Variants in CCDC40 observed in about 807,000 individuals in gnomAD.
The protein encoded by CCDC40 is coiled-coil domain-containing protein 40.
Under a neutral mutation model 124.5 loss-of-function variants are expected in CCDC40, and 104 were observed. The ratio of observed to expected loss-of-function variants is 0.84; its 90% CI spans 0.71 to 0.98. The LOEUF (loss-of-function observed/expected upper bound fraction) is 0.98, where lower values mean the gene tolerates loss of function less well. Among genes scored for constraint, CCDC40 ranks in the 50% least tolerant of loss-of-function variants. CCDC40 has a pLI of 0.00. For synonymous variants in CCDC40, 580 were observed against 602.9 expected (o/e 0.96, Z 0.56); for missense variants, 1,463 against 1,503.9 (o/e 0.97, Z 0.45).
At chr17:80,071,562 G>T (rs8079986) in intron 10 of CCDC40, among the ~76,000 whole-genome samples, 13,567 of 152,208 alleles carry the variant, frequency 0.089, 1,543 homozygotes, top group African/African-American at 0.27. Flanking sequence ...AGTCCCCGAC[G>T]TCACGATTTT....
intron 17 of CCDC40, chr17:80,090,318 GGGACGCGCGCAGGCAC>G: frequency 8.0e-6 from 5 of 623,304 alleles, no homozygotes; most frequent in South Asian, 5.3e-5. Context: ...CGAACAACAC[GGGACGCGCGCAGGCAC>G]GTGCACGAAC....
intron 10 of CCDC40, chr17:80,065,975 G>A (rs2038035876): frequency 1.6e-6 from 1 of 640,794 alleles, no homozygotes; most frequent in African/African-American, 1.8e-5. Flanking sequence ...TTCTGCCTGA[G>A]GGCTGCATTC....
At chr17:80,068,680 G>T (rs999521406) in intron 10 of CCDC40, among the ~76,000 whole-genome samples, 2 of 151,932 alleles carry the variant, frequency 1.3e-5, no homozygotes, top group African/African-American at 4.8e-5. Context: ...ATCCCCATGG[G>T]GCAGGACCCC....
chr17:80,090,760 A>G (rs1272625887), intron 17 of CCDC40: 7 of 1,368,432 alleles, frequency 5.1e-6, no homozygotes, highest in Non-Finnish European at 6.6e-6. Context: ...TCAGGGCCTT[A>G]AGGATAACAG....
intron 1 of CCDC40, among the ~76,000 whole-genome samples, chr17:80,037,682 T>TAAAAAAAA (rs1423212184): frequency 2.2e-4 from 21 of 96,168 alleles, no homozygotes; most frequent in Non-Finnish European, 2.5e-4. Context: ...CTTTAATTTT[T>TAAAAAAAA]TAAAAAAGAT....
At position 80,082,052 on chromosome 17, in the gene CCDC40, C is replaced by T; in HGVS notation, c.1983C>T (p.Thr661=). The part of the protein sequence containing the change: ...QLILRLQKEK[T]NMMTHLSKIN... ...TCCTGAGGCTGCAGAAGGAGAAGAC[C>T]AACATGGTAGGCCCCTGCCCCAGGG... The change falls in exon 12 of 20, where the codon ACC becomes ACT. Residue 661 remains threonine (T), a synonymous_variant. Coordinates refer to ENST00000397545, the MANE Select transcript of CCDC40 (RefSeq NM_017950.4). 1.2e-6 allele frequency: 2 copies of T among 1,612,872 alleles called. No homozygotes were observed. Among genetic ancestry groups the T allele is most frequent in the Non-Finnish European group, 1.7e-6 (2 of 1,179,752 alleles).
rs1383150806 is a variant in CCDC40 at position 80,086,625 on chromosome 17, G to C, written c.2449+409G>C. On this transcript the variant is annotated intron_variant, in intron 14 of 19. Transcript: ENST00000397545. The surrounding 1 kb of genome is among the most constrained non-coding windows in gnomAD (Gnocchi z 5.5). Reference sequence around the variant, plus strand: ...GGGCTTAGAAAACCATTCCACCGGGGCTCCCCAACCCTTCTGAGGCCCAAG... The same window carrying C: ...GGGCTTAGAAAACCATTCCACCGGGCCTCCCCAACCCTTCTGAGGCCCAAG... 3.7e-6 allele frequency: 1 copy of C among 273,952 alleles called. No homozygotes were observed. The highest frequency in any genetic ancestry group is 3.6e-5 in the South Asian group (1 of 27,414). 17.0% of individuals were successfully genotyped at this position (273,952 alleles called of 1,614,324 possible).
chr17:80,056,096 C>A (rs1464533044), intron 7 of CCDC40, among the ~76,000 whole-genome samples: 3 of 143,908 alleles, frequency 2.1e-5, no homozygotes, highest in African/African-American at 7.8e-5. Flanking sequence ...AAGTGATCCT[C>A]TTGCTTCGGC....
At chr17:80,067,917 T>G (rs1307792251) in intron 10 of CCDC40, 2 of 1,313,820 alleles carry the variant, frequency 1.5e-6, no homozygotes, top group Non-Finnish European at 1.9e-6. Context: ...TGAGTGAATA[T>G]TTTAGTGGAC....
chr17:80,065,502 C>T lies in CCDC40; in HGVS notation c.1458C>T (p.Asp486=), dbSNP rs752463994. The part of the protein sequence containing the change: ...KAVSEACTEI[D]AISVEKRRIM... ...GGCTGCAGGCCTGCACCGAGATCGA[C>T]GCCATCAGCGTGGAGAAGAGGCGCA... Residue 486 remains aspartate (D), a synonymous_variant, in exon 10 of 20, where the codon GAC becomes GAT. Coordinates refer to ENST00000397545, the MANE Select transcript of CCDC40 (RefSeq NM_017950.4). 19 of 1,613,006 alleles carry T rather than the reference C, an allele frequency of 1.2e-5. No individual in the cohort carries two copies. Among genetic ancestry groups the T allele is most frequent in the African/African-American group, 4.0e-5 (3 of 74,904 alleles).
rs2038346930 is a variant in CCDC40 at position 80,077,911 on chromosome 17, T to C, written c.1563-3635T>C. Among the ~76,000 whole-genome samples the C allele has an allele frequency of 3.3e-5, 5 of 152,234 alleles. No homozygotes were observed. The South Asian group carries it at 1.0e-3, about 31-fold the overall frequency. ...TTGAAAATATTTTTGTCCCAGTCTG[T>C]GGCTTTGTCTTTTTTACCTCTTTAC... On this transcript the variant is annotated intron_variant, in intron 10 of 19. Transcript: ENST00000397545.
In CCDC40 at chr17:80,099,575, G is replaced by A. The variant is rs201877332; in HGVS notation, c.3229G>A (p.Ala1077Thr). ...ALQTRLKHLQAVKEGRYVFLF... is the reference protein window; with the variant it reads ...ALQTRLKHLQTVKEGRYVFLF... The stretch of plus-strand genomic sequence containing the variant: ...GCAGACACGCCTTAAGCACCTGCAG[G>A]CTGTGAAGGAGGGGCGCTACGTGTT... Residue 1077 changes from alanine (A) to threonine (T), a missense_variant, in exon 20 of 20, where the codon GCT becomes ACT. By Grantham distance (58) the Ala-to-Thr change is moderately conservative. Coordinates refer to ENST00000397545, the MANE Select transcript of CCDC40 (RefSeq NM_017950.4). 4.3e-6 allele frequency: 7 copies of A among 1,613,250 alleles called. No individual in the cohort carries two copies. Among genetic ancestry groups the A allele is most frequent in the Non-Finnish European group, 5.9e-6 (7 of 1,180,018 alleles).
At chr17:80,090,837 C>G in intron 17 of CCDC40, 1 of 1,168,090 alleles carries the variant, frequency 8.6e-7, no homozygotes, top group Non-Finnish European at 1.1e-6. Context: ...AATTCCTCTG[C>G]TGAGTTATTT....
chr17:80,038,296 C>A, intron 2 of CCDC40, 110 bp downstream of exon 2: 1 of 727,442 alleles, frequency 1.4e-6, no homozygotes. Flanking sequence ...TTTGGGAGGC[C>A]AAGGCAGGTG....
intron 18 of CCDC40, among the ~76,000 whole-genome samples, chr17:80,096,854 C>G (rs933719420): frequency 6.6e-6 from 1 of 152,244 alleles, no homozygotes; most frequent in Admixed American, 6.5e-5. Context: ...GCCCCAGCCT[C>G]GCTCCTCCCT....
At chr17:80,059,646 G>A (rs1228338516) in intron 9 of CCDC40, among the ~76,000 whole-genome samples, 4 of 151,172 alleles carry the variant, frequency 2.6e-5, no homozygotes, top group Middle Eastern at 3.4e-3. Flanking sequence ...TGCAACCTCC[G>A]CCTCCCAGAT....
intron 9 of CCDC40, among the ~76,000 whole-genome samples, chr17:80,060,506 G>C (rs1598503054): frequency 2.0e-5 from 3 of 150,078 alleles, no homozygotes; most frequent in African/African-American, 7.3e-5. Flanking sequence ...AAAAAAAAAA[G>C]AACAACAACA....
In CCDC40 at chr17:80,044,704, A is replaced by ATAT. The variant is rs1485851817; in HGVS notation, c.553-2575_553-2574insTAT. On this transcript the variant is annotated intron_variant, in intron 3 of 19. Transcript: ENST00000397545. ...TCTCAAAAACAAAACAAAACAAACA[A>ATAT]ACAAAAAAAAAAATATATATATATA... is the stretch of plus-strand genomic sequence containing the variant. Among the ~76,000 whole-genome samples the ATAT allele has an allele frequency of 4.4e-3, 165 of 37,168 alleles. 6 individuals carry two copies. Among genetic ancestry groups the ATAT allele is most frequent in the Middle Eastern group, 0.02 (2 of 98 alleles). The allele number at this position is 37,168 out of a possible 152,430, so 24.4% of individuals were successfully genotyped here. A position where few individuals can be genotyped will look rare whatever the true frequency, so the allele number is the denominator to read the frequency against.
At chr17:80,051,631 A>C (rs1446325596) in intron 7 of CCDC40, among the ~76,000 whole-genome samples, 1 of 4,500 alleles carries the variant, frequency 2.2e-4, no homozygotes, top group Admixed American at 4.6e-3. Flanking sequence ...TCCGTCTCAA[A>C]AAAAAAAAAA....
Sources: allele counts gnomAD v4.1 joint callset (sites outside exome capture counted in the v4.1 genomes callset), GRCh38; gene constraint gnomAD v4.1.1; non-coding constraint Gnocchi (gnomAD v3.1); transcripts MANE v1.5; gene names NCBI Gene and HGNC (gene_info 2026-07-23, HGNC 2026-07-21).